The following MLYCD variants were observed in gnomAD, a reference collection of about 807,000 sequenced individuals.
MLYCD encodes the protein malonyl-CoA decarboxylase.
Under a neutral mutation model 35.8 loss-of-function variants are expected in MLYCD, and 27 were observed. The observed-to-expected ratio is 0.75, with a 90% CI of 0.56 to 1.04. The LOEUF (loss-of-function observed/expected upper bound fraction) is 1.04. Among genes scored for constraint, MLYCD ranks in the 50% least tolerant of loss-of-function variants. The pLI is 0.00. For missense variants in MLYCD, 917 were observed against 665.1 expected (o/e 1.38, Z -4.17); for synonymous variants, 403 against 302.4 (o/e 1.33, Z -3.45).
At chr16:83,908,608 A>G (rs1187436501) in intron 3 of MLYCD, among the ~76,000 whole-genome samples, 1 of 152,248 alleles carries the variant, frequency 6.6e-6, no homozygotes, top group East Asian at 1.9e-4. Context: ...CCTGATTCAT[A>G]CATAGTTTAC....
Position 83,899,223 on chromosome 16 carries a change from C to A in MLYCD, c.79C>A (p.Leu27Met). The A allele has an allele frequency of 8.1e-7, 1 of 1,229,908 alleles. No individual in the cohort carries two copies. The highest frequency in any genetic ancestry group is 1.0e-6 in the Non-Finnish European group (1 of 989,790). 76.2% of individuals were successfully genotyped at this position (1,229,908 alleles called of 1,614,324 possible). The part of the protein sequence containing the change: ...RLPPRPPGPR[L>M]ASGQAAGALE... ...GCCCCCGCGGCCGCCCGGGCCCCGGCTGGCGAGCGGGCAGGCGGCCGGCGC... is the reference window on the plus strand; with the variant it reads ...GCCCCCGCGGCCGCCCGGGCCCCGGATGGCGAGCGGGCAGGCGGCCGGCGC... The change falls in exon 1 of 5, where the codon CTG (leucine) becomes ATG (methionine). Residue 27 changes from leucine to methionine, a missense_variant. Leu to Met is a conservative substitution (Grantham distance 15, BLOSUM62 2). Transcript: ENST00000262430.
rs1034503943 is a variant in MLYCD, at chr16:83,924,634, C to G, written c.*9145C>G. 2.6e-5 allele frequency: 4 copies of G among 152,186 alleles called. No individual in the cohort carries two copies. Among genetic ancestry groups the G allele is most frequent in the African/African-American group, 9.7e-5 (4 of 41,442 alleles). 9.4% of individuals were successfully genotyped at this position (152,186 alleles called of 1,614,324 possible). ...GAGTTACTGCCTCCTTGAGCACTTT[C>G]GCAGGAGAGAAGACCAGAGAGCTGC... On this transcript the variant is annotated 3_prime_UTR_variant, in exon 5 of 5. Transcript: ENST00000262430.
intron 1 of MLYCD, among the ~76,000 whole-genome samples, chr16:83,900,187 C>T (rs552899018): frequency 6.6e-6 from 1 of 152,234 alleles, no homozygotes; most frequent in African/African-American, 2.4e-5. Context: ...CCAGGAGTCT[C>T]CATGGCTTCT....
chr16:83,919,613 A>G lies in MLYCD; in HGVS notation c.*4124A>G, dbSNP rs772247981. On this transcript the variant is annotated 3_prime_UTR_variant, in exon 5 of 5. Coordinates refer to ENST00000262430, the MANE Select transcript of MLYCD (RefSeq NM_012213.3). Reference sequence around the variant, plus strand: ...GCACAGGAGAACACACAGTGCACAGAACACACGGGGCACAGGAGAACACAC... The same window carrying G: ...GCACAGGAGAACACACAGTGCACAGGACACACGGGGCACAGGAGAACACAC... 2.0e-5 allele frequency: 3 copies of G among 151,554 alleles called. No homozygotes were observed. Among genetic ancestry groups the G allele is most frequent in the Non-Finnish European group, 4.4e-5 (3 of 68,480 alleles). 9.4% of individuals were successfully genotyped at this position (151,554 alleles called of 1,614,324 possible).
rs773547079 is a variant in MLYCD, at chr16:83,918,902, C to G, written c.*3413C>G. 1 of 143,198 alleles carries G rather than the reference C, an allele frequency of 7.0e-6. No homozygotes were observed. The highest frequency in any genetic ancestry group is 2.2e-4 in the South Asian group (1 of 4,460). The allele number at this position is 143,198 out of a possible 1,614,324, so 8.9% of individuals were successfully genotyped here. A position where few individuals can be genotyped will look rare whatever the true frequency, so the allele number is the denominator to read the frequency against. On this transcript the variant is annotated 3_prime_UTR_variant, in exon 5 of 5. Coordinates refer to ENST00000262430, the MANE Select transcript of MLYCD (RefSeq NM_012213.3). The stretch of plus-strand genomic sequence containing the variant: ...AGGAGAACACTGCACAGGAGAACCA[C>G]ACTGCACAGGAGAATATGCATAAAC...
chr16:83,916,099 G>A lies in MLYCD; in HGVS notation c.*610G>A, dbSNP rs1032074660. On this transcript the variant is annotated 3_prime_UTR_variant, in exon 5 of 5. Coordinates refer to ENST00000262430, the MANE Select transcript of MLYCD (RefSeq NM_012213.3). ...AATGTTGCTGCTTGAGGCATAAGTT[G>A]GATAATAGGCTTTAAATGATCAGGG... is the stretch of plus-strand genomic sequence containing the variant. 1.3e-5 allele frequency: 13 copies of A among 995,736 alleles called. No homozygotes were observed. Among genetic ancestry groups the A allele is most frequent in the African/African-American group, 1.7e-5 (1 of 57,430 alleles). The allele number at this position is 995,736 out of a possible 1,614,324, so 61.7% of individuals were successfully genotyped here.
Position 83,926,859 on chromosome 16 carries a change from A to T in MLYCD, c.*11370A>T, listed in dbSNP as rs1425507940. On this transcript the variant is annotated 3_prime_UTR_variant, in exon 5 of 5. Coordinates refer to ENST00000262430, the MANE Select transcript of MLYCD (RefSeq NM_012213.3). ...CGAGATGGCGGTGTTGCGCCCCTCCAGCCTCCTCTGCTCTGCGCTTGGGCG... is the reference window on the plus strand; with the variant it reads ...CGAGATGGCGGTGTTGCGCCCCTCCTGCCTCCTCTGCTCTGCGCTTGGGCG... 1 of 152,156 alleles carries T rather than the reference A, an allele frequency of 6.6e-6. No individual in the cohort carries two copies. The highest frequency in any genetic ancestry group is 1.5e-5 in the Non-Finnish European group (1 of 68,030). 9.4% of individuals were successfully genotyped at this position (152,156 alleles called of 1,614,324 possible).
At position 83,910,794 on chromosome 16, in the gene MLYCD, G is replaced by T. The variant is rs140600406; in HGVS notation, c.799-1424G>T. Among the ~76,000 whole-genome samples the T allele has an allele frequency of 2.0e-3, 309 of 152,208 alleles. 1 individual carries two copies. Among genetic ancestry groups the T allele is most frequent in the African/African-American group, 7.0e-3 (290 of 41,524 alleles). ...TCCATAGAGCACGGTGCAGGACAGC[G>T]GGCCCCTCTCGGGCCTCGGAGGATA... On this transcript the variant is annotated intron_variant, in intron 3 of 4. Transcript: ENST00000262430.
At chr16:83,902,131 ATGTGTG>A (rs148766722) in intron 1 of MLYCD, among the ~76,000 whole-genome samples, 1 of 126,634 alleles carries the variant, frequency 7.9e-6, no homozygotes, top group African/African-American at 3.0e-5. Flanking sequence ...GTATGTGTAT[ATGTGTG>A]TGTGTGTGTG....
rs575702151 is a variant in MLYCD, at chr16:83,914,137, A to C, written c.949-819A>C. 3 of 152,346 alleles carry C rather than the reference A, an allele frequency of 2.0e-5. No individual in the cohort carries two copies. The South Asian group carries it at 6.2e-4, about 32-fold the overall frequency. The allele number at this position is 152,346 out of a possible 1,614,324, so 9.4% of individuals were successfully genotyped here. A position where few individuals can be genotyped will look rare whatever the true frequency, so the allele number is the denominator to read the frequency against. ...ATTTTCTTCTGTCATTAATTTTTTC[A>C]AAAAATATCTATAGTGAGCATGTGT... On this transcript the variant is annotated intron_variant, in intron 4 of 4. Transcript: ENST00000262430.
At chr16:83,914,602 G>A in intron 4 of MLYCD, 1 of 363,090 alleles carries the variant, frequency 2.8e-6, no homozygotes, top group Non-Finnish European at 5.3e-6. Context: ...CCAGGGTCTG[G>A]CACACATCAG....
Position 83,917,068 on chromosome 16 carries a change from GTCTGTGTGCGTGTGCACGAGCGTCTC to G in MLYCD, c.*1581_*1606del, listed in dbSNP as rs1907435038. 1.2e-4 allele frequency: 6 copies of G among 50,318 alleles called. 1 individual carries two copies. Among genetic ancestry groups the G allele is most frequent in the Admixed American group, 1.1e-3 (5 of 4,384 alleles). 3.1% of individuals were successfully genotyped at this position (50,318 alleles called of 1,614,324 possible). On this transcript the variant is annotated 3_prime_UTR_variant, in exon 5 of 5. Coordinates refer to ENST00000262430, the MANE Select transcript of MLYCD (RefSeq NM_012213.3). ...AGCGTCTCTGTGTGGATCAGTGCAC[GTCTGTGTGCGTGTGCACGAGCGTCTC>G]TGTGGATCAGTGCACGTCTGTGTGC...
At chr16:83,908,357 T>C (rs1907056006) in intron 3 of MLYCD, 75 bp downstream of exon 3, 1 of 1,541,202 alleles carries the variant, frequency 6.5e-7, no homozygotes, top group Admixed American at 2.1e-5. Context: ...TGTTTTGTTT[T>C]TACTTGATTT....
intron 3 of MLYCD, 72 bp downstream of exon 3, chr16:83,908,354 T>G: frequency 1.3e-6 from 2 of 1,549,620 alleles, no homozygotes; most frequent in South Asian, 2.4e-5. Context: ...TTTTGTTTTG[T>G]TTTTACTTGA....
intron 1 of MLYCD, among the ~76,000 whole-genome samples, chr16:83,902,131 A>ATGTGTGTG (rs148766722): frequency 7.9e-5 from 10 of 126,634 alleles, no homozygotes; most frequent in African/African-American, 3.0e-4. Context: ...GTATGTGTAT[A>ATGTGTGTG]TGTGTGTGTG....
intron 4 of MLYCD, 148 bp from the exon 5 acceptor site, chr16:83,914,808 A>G (rs1378169171): frequency 7.6e-6 from 9 of 1,191,968 alleles, no homozygotes; most frequent in Non-Finnish European, 1.1e-5. Context: ...GCTGCTTGAA[A>G]GAAGATAAAC....
chr16:83,915,075 A>G lies in MLYCD; in HGVS notation c.1068A>G (p.Thr356=), dbSNP rs1907323886. Residue 356 remains threonine (T), a synonymous_variant, in exon 5 of 5, where the codon ACA becomes ACG. Coordinates refer to ENST00000262430, the MANE Select transcript of MLYCD (RefSeq NM_012213.3). ...TKEHGRNELF[T]DSECKEISEI... ...AGCATGGGAGGAATGAACTCTTTACAGATTCGGAATGTAAGGAAATCTCGG... is the reference window on the plus strand; with the variant it reads ...AGCATGGGAGGAATGAACTCTTTACGGATTCGGAATGTAAGGAAATCTCGG... The G allele has an allele frequency of 6.2e-7, 1 of 1,614,240 alleles. No individual in the cohort carries two copies. The highest frequency in any genetic ancestry group is 8.5e-7 in the Non-Finnish European group (1 of 1,180,056).
rs370078811 is a variant in MLYCD at position 83,907,102 on chromosome 16, A to G, written c.641+3A>G. The stretch of plus-strand genomic sequence containing the variant: ...GAAGTGCTTCAGAAAATCAGTGAGT[A>G]AGTATTACGGTTTTCATTTTCTTTG... On this transcript the variant is annotated splice_donor_region_variant and intron_variant, in intron 2 of 4. Transcript: ENST00000262430. The G allele has an allele frequency of 1.2e-6, 2 of 1,605,832 alleles. No homozygotes were observed. Among genetic ancestry groups the G allele is most frequent in the East Asian group, 4.5e-5 (2 of 44,846 alleles).
chr16:83,915,783 G>A lies in MLYCD; in HGVS notation c.*294G>A. The A allele has an allele frequency of 7.6e-7, 1 of 1,309,810 alleles. No individual in the cohort carries two copies. Among genetic ancestry groups the A allele is most frequent in the South Asian group, 1.5e-5 (1 of 64,676 alleles). 81.1% of individuals were successfully genotyped at this position (1,309,810 alleles called of 1,614,324 possible). A position where few individuals can be genotyped will look rare whatever the true frequency, so the allele number is the denominator to read the frequency against. On this transcript the variant is annotated 3_prime_UTR_variant, in exon 5 of 5. Coordinates refer to ENST00000262430, the MANE Select transcript of MLYCD (RefSeq NM_012213.3). ...GCCTGGCTCCCTGCCCGGGGCTGGTGCTGTGGTACCTACATCTTCAGGAAG... is the reference window on the plus strand; with the variant it reads ...GCCTGGCTCCCTGCCCGGGGCTGGTACTGTGGTACCTACATCTTCAGGAAG...
Sources: allele counts gnomAD v4.1 joint callset (sites outside exome capture counted in the v4.1 genomes callset), GRCh38; gene constraint gnomAD v4.1.1; transcripts MANE v1.5; gene names NCBI Gene and HGNC (gene_info 2026-07-23, HGNC 2026-07-21).